EYS: variants seen among roughly 807,000 people sequenced by gnomAD.
EYS encodes the protein EGF-like photoreceptor maintenance factor, also known as protein eyes shut homolog.
Under a neutral mutation model 282.1 loss-of-function variants are expected in EYS, and 250 were observed. The observed-to-expected ratio is 0.89, with a 90% confidence interval of 0.80 to 0.98. The LOEUF (loss-of-function observed/expected upper bound fraction) is 0.98, where lower values mean the gene tolerates loss of function less well. EYS is among the 50% of genes least tolerant of loss of function. The probability of loss-of-function intolerance (pLI) is 0.00; values close to 1 mark genes in which losing one functional copy is unlikely to be tolerated. For missense variants in EYS, 4,016 were observed against 3,709.0 expected, an observed-to-expected ratio of 1.08 and a Z score of -2.15; for synonymous variants, 1,355 against 1,282.9, an observed-to-expected ratio of 1.06 and a Z score of -1.20.
intron 12 of EYS, among the ~76,000 whole-genome samples, chr6:65,293,423 T>C (rs1582108938): frequency 1.3e-5 from 2 of 151,844 alleles, no homozygotes; most frequent in African/African-American, 4.8e-5. Flanking sequence ...GAATCAGTTT[T>C]AAATCCTGTA....
chr6:63,959,371 G>T (rs1765959133), intron 35 of EYS, among the ~76,000 whole-genome samples: 1 of 152,172 alleles, frequency 6.6e-6, no homozygotes, highest in South Asian at 2.1e-4. Flanking sequence ...AATAGATGCT[G>T]GTGAGGCTGT....
chr6:64,159,790 ACC>A (rs1471495433), intron 31 of EYS, among the ~76,000 whole-genome samples: 1 of 151,996 alleles, frequency 6.6e-6, no homozygotes, highest in East Asian at 1.9e-4. Flanking sequence ...GATGTCTACA[ACC>A]CCATGAATGT....
chr6:64,992,133 T>C (rs1771085854), intron 14 of EYS, among the ~76,000 whole-genome samples: 1 of 151,880 alleles, frequency 6.6e-6, no homozygotes. Context: ...CTACATTTTA[T>C]GGAAGAAACT....
chr6:65,308,974 G>C (rs1769084122), intron 11 of EYS, among the ~76,000 whole-genome samples: 1 of 152,042 alleles, frequency 6.6e-6, no homozygotes, highest in South Asian at 2.1e-4. Context: ...AGGAGGATCG[G>C]GAAATCCATG....
intron 26 of EYS, among the ~76,000 whole-genome samples, chr6:64,539,253 AT>A (rs1764622465): frequency 1.3e-5 from 2 of 152,146 alleles, no homozygotes. Flanking sequence ...TGTTATATGT[AT>A]TTTACCACAG....
chr6:64,630,945 T>G (rs1176707021), intron 22 of EYS, among the ~76,000 whole-genome samples: 4 of 152,216 alleles, frequency 2.6e-5, no homozygotes, highest in African/African-American at 7.2e-5. Flanking sequence ...ATCCCATACG[T>G]ATTTATTCAC....
chr6:65,158,391 T>A (rs1433185847), intron 12 of EYS, among the ~76,000 whole-genome samples: 1 of 150,896 alleles, frequency 6.6e-6, no homozygotes, highest in Non-Finnish European at 1.5e-5. Context: ...TAATTAATAA[T>A]CAATGATAAA....
intron 31 of EYS, among the ~76,000 whole-genome samples, chr6:64,188,380 C>T (rs777508453): frequency 1.3e-5 from 2 of 152,060 alleles, no homozygotes; most frequent in Non-Finnish European, 2.9e-5. Context: ...TCTCATTGAA[C>T]TAGGGTTGCA....
chr6:64,629,723 C>A (rs1767720800), intron 22 of EYS, among the ~76,000 whole-genome samples: 1 of 152,116 alleles, frequency 6.6e-6, no homozygotes, highest in African/African-American at 2.4e-5. Flanking sequence ...GTATGATGAT[C>A]TTATATCCTG....
intron 28 of EYS, among the ~76,000 whole-genome samples, chr6:64,432,837 C>A (rs1208665108): frequency 6.6e-6 from 1 of 152,002 alleles, no homozygotes; most frequent in Non-Finnish European, 1.5e-5. Context: ...TTTCTGCCTT[C>A]TAACTTTACT....
At chr6:65,434,873 A>G (rs369941460) in intron 5 of EYS, among the ~76,000 whole-genome samples, 2 of 152,084 alleles carry the variant, frequency 1.3e-5, no homozygotes, top group East Asian at 1.9e-4. Context: ...TTTCAATTAA[A>G]TATCTCTTTC....
At chr6:65,683,092 G>A (rs1263092507) in intron 1 of EYS, among the ~76,000 whole-genome samples, 1 of 151,874 alleles carries the variant, frequency 6.6e-6, no homozygotes, top group Non-Finnish European at 1.5e-5. Context: ...ATTAACTACA[G>A]GGAATATAAA....
intron 5 of EYS, among the ~76,000 whole-genome samples, chr6:65,410,795 T>G (rs1257112472): frequency 6.6e-6 from 1 of 151,822 alleles, no homozygotes; most frequent in Non-Finnish European, 1.5e-5. Flanking sequence ...GGAATCAACC[T>G]AAGTGTTCAA....
In EYS at chr6:65,094,317, G is replaced by GAA. The variant is rs35028634; in HGVS notation, c.2024-36592_2024-36591dup. Among the ~76,000 whole-genome samples, 204 of 73,806 alleles carry GAA rather than the reference G, an allele frequency of 2.8e-3. 3 individuals are homozygous for GAA. The highest frequency in any genetic ancestry group is 0.01 in the African/African-American group (185 of 18,338). 48.4% of individuals were successfully genotyped at this position (73,806 alleles called of 152,430 possible). On this transcript the variant is annotated intron_variant, in intron 12 of 42. Coordinates refer to ENST00000503581, the MANE Select transcript of EYS (RefSeq NM_001142800.2). ...TCAATAATGAATGGGATATCTTAAC[G>GAA]AAAAAAAAAAAAAAAAAAAGCAAAC...
At chr6:64,242,267 TA>T (rs376059322) in intron 30 of EYS, among the ~76,000 whole-genome samples, 196 of 152,232 alleles carry the variant, frequency 1.3e-3, no homozygotes, top group African/African-American at 4.5e-3. Flanking sequence ...AGTGGGGTGT[TA>T]AAATCTCACA....
intron 1 of EYS, among the ~76,000 whole-genome samples, chr6:65,666,539 G>A (rs926154675): frequency 6.6e-6 from 1 of 151,728 alleles, no homozygotes; most frequent in African/African-American, 2.4e-5. Context: ...TACCTGTCGG[G>A]TAGTAAATAT....
intron 12 of EYS, among the ~76,000 whole-genome samples, chr6:65,064,350 T>C (rs576083096): frequency 1.1e-3 from 153 of 143,884 alleles, no homozygotes; most frequent in Middle Eastern, 5.1e-3. Context: ...CTATATATCA[T>C]ATAGTATATG....
intron 26 of EYS, among the ~76,000 whole-genome samples, chr6:64,479,766 A>G (rs932668286): frequency 6.6e-6 from 1 of 151,970 alleles, no homozygotes; most frequent in East Asian, 1.9e-4. Flanking sequence ...TGAATTTATC[A>G]GGATAGGCTA....
Position 64,550,258 on chromosome 6 carries a change from G to A in EYS, c.5644+39965C>T, listed in dbSNP as rs186621896. ...ATCCTTTGGGTATATACCCAGTAAT[G>A]GGATTGCTGGGTCAAATGGTATTTC... is the stretch of plus-strand genomic sequence containing the variant. On this transcript the variant is annotated intron_variant, in intron 26 of 42. Transcript: ENST00000503581. Among the ~76,000 whole-genome samples, 341 of 152,224 alleles carry A rather than the reference G, an allele frequency of 2.2e-3. 2 individuals are homozygous for A. The highest frequency in any genetic ancestry group is 3.8e-3 in the Non-Finnish European group (256 of 68,014).
Sources: allele counts gnomAD v4.1 joint callset (sites outside exome capture counted in the v4.1 genomes callset), GRCh38; gene constraint gnomAD v4.1.1; transcripts MANE v1.5; gene names NCBI Gene and HGNC (gene_info 2026-07-23, HGNC 2026-07-21).